Variants in TNR observed in about 807,000 individuals in gnomAD.
TNR encodes the protein tenascin-R.
Under a neutral mutation model 150.4 loss-of-function variants are expected in TNR, and 45 were observed. The ratio of observed to expected loss-of-function variants is 0.30; its 90% confidence interval spans 0.24 to 0.38. The LOEUF is 0.38. TNR is among the 10% of genes least tolerant of loss of function. The probability of loss-of-function intolerance (pLI) is 1.00; values close to 1 mark genes in which losing one functional copy is unlikely to be tolerated. For synonymous variants in TNR, 687 were observed against 678.4 expected (o/e 1.01, Z -0.20); for missense variants, 1,544 against 1,759.1 (o/e 0.88, Z 2.19).
At chr1:175,737,054 TAAC>T (rs751192154) in intron 1 of TNR, among the ~76,000 whole-genome samples, 4 of 151,822 alleles carry the variant, frequency 2.6e-5, no homozygotes, top group Admixed American at 1.3e-4. Flanking sequence ...AAAACAAAAA[TAAC>T]AACAACAACA....
intron 3 of TNR, among the ~76,000 whole-genome samples, chr1:175,403,828 T>A (rs1411723883): frequency 6.6e-6 from 1 of 152,344 alleles, no homozygotes; most frequent in East Asian, 1.9e-4. Context: ...GGGGCAAAGA[T>A]GAATGAGATC....
intron 9 of TNR, among the ~76,000 whole-genome samples, chr1:175,375,601 C>G (rs1482092417): frequency 6.6e-6 from 1 of 151,948 alleles, no homozygotes; most frequent in Admixed American, 6.6e-5. Flanking sequence ...TCTCAGAGAC[C>G]AGGAGAGTCA....
Position 175,354,373 on chromosome 1 carries a change from G to A in TNR, c.3382+18C>T, listed in dbSNP as rs1436052474. 6.2e-7 allele frequency: 1 copy of A among 1,612,198 alleles called. No individual in the cohort carries two copies. The highest frequency in any genetic ancestry group is 1.7e-5 in the Admixed American group (1 of 59,862). ...AGGAAGTGGAGAAGAAGGCATCAAA[G>A]TGGCCATGCTCCCTCACCTGTGGTG... On this transcript the variant is annotated intron_variant, in intron 18 of 22. Transcript: ENST00000367674.
Position 175,743,301 on chromosome 1 carries a change from C to T in TNR, c.-240G>A, listed in dbSNP as rs374512651. 3.3e-5 allele frequency: 5 copies of T among 152,346 alleles called. No homozygotes were observed. The South Asian group carries it at 6.2e-4, about 19-fold the overall frequency. 9.4% of individuals were successfully genotyped at this position (152,346 alleles called of 1,614,324 possible). On this transcript the variant is annotated 5_prime_UTR_variant, in exon 1 of 23. Coordinates refer to ENST00000367674, the MANE Select transcript of TNR (RefSeq NM_003285.3). The stretch of plus-strand genomic sequence containing the variant: ...AATTCTTGCTTGCTCAGGCTGGAGC[C>T]AGCTGATGCGCTCACCTAGAGAGCC...
At chr1:175,562,601 T>C (rs117087151) in intron 1 of TNR, among the ~76,000 whole-genome samples, 1 of 152,244 alleles carries the variant, frequency 6.6e-6, no homozygotes, top group Non-Finnish European at 1.5e-5. Flanking sequence ...CAAGGAATTC[T>C]TGCAGAAATG....
Position 175,488,792 on chromosome 1 carries a change from A to G in TNR, c.-64+39477T>C, listed in dbSNP as rs140379614. On this transcript the variant is annotated intron_variant, in intron 2 of 22. Coordinates refer to ENST00000367674, the MANE Select transcript of TNR (RefSeq NM_003285.3). ...CTCATATATCAAGTGAAAAACAGGG[A>G]ATAAGAAGGGAGTATTTTTGCCAGG... 6.6e-5 allele frequency among the ~76,000 whole-genome samples: 10 copies of G among 152,288 alleles called. No individual in the cohort carries two copies. In the East Asian group the frequency reaches 1.9e-3, roughly 29 times the overall value.
intron 2 of TNR, among the ~76,000 whole-genome samples, chr1:175,475,338 G>A (rs1033493940): frequency 6.6e-6 from 1 of 152,192 alleles, no homozygotes; most frequent in Non-Finnish European, 1.5e-5. Context: ...TATCATCAAA[G>A]GGCTTGGGGA....
chr1:175,587,706 TTTTAA>T (rs1394332495), intron 1 of TNR, among the ~76,000 whole-genome samples: 1 of 152,154 alleles, frequency 6.6e-6, no homozygotes, highest in Non-Finnish European at 1.5e-5. Flanking sequence ...CCCCAATAAT[TTTTAA>T]TTTAATAGTT....
chr1:175,463,490 TG>T (rs2102108030), intron 2 of TNR, among the ~76,000 whole-genome samples: 1 of 152,380 alleles, frequency 6.6e-6, no homozygotes, highest in African/African-American at 2.4e-5. Context: ...CTCATTATGT[TG>T]ACTTTCATTC....
rs147430983 is a variant in TNR at position 175,543,457 on chromosome 1, G to C, written c.-164-15088C>G. On this transcript the variant is annotated intron_variant, in intron 1 of 22. Coordinates refer to ENST00000367674, the MANE Select transcript of TNR (RefSeq NM_003285.3). The stretch of plus-strand genomic sequence containing the variant: ...TCCTCCAGCATAGGAAGGGGACCTA[G>C]AGCCAGAGAGCAGCCAGAGCCAGAG... Among the ~76,000 whole-genome samples, 1,332 of 152,220 alleles carry C rather than the reference G, an allele frequency of 8.8e-3. 19 individuals are homozygous for C. Among genetic ancestry groups the C allele is most frequent in the African/African-American group, 0.029 (1,209 of 41,542 alleles).
intron 2 of TNR, among the ~76,000 whole-genome samples, chr1:175,456,779 C>A (rs1474490601): frequency 6.6e-6 from 1 of 152,114 alleles, no homozygotes; most frequent in African/African-American, 2.4e-5. Flanking sequence ...GAAATCAGTT[C>A]TAAAATTCTA....
intron 18 of TNR, among the ~76,000 whole-genome samples, chr1:175,350,398 C>T (rs1650999704): frequency 6.6e-6 from 1 of 152,210 alleles, no homozygotes; most frequent in Admixed American, 6.5e-5. Context: ...AATGAAACTG[C>T]CTCTCAGACA....
intron 1 of TNR, among the ~76,000 whole-genome samples, chr1:175,658,906 C>T (rs1348435691): frequency 6.6e-6 from 1 of 152,210 alleles, no homozygotes; most frequent in African/African-American, 2.4e-5. Flanking sequence ...AGCTGCTGTG[C>T]TTTCACATCG....
chr1:175,685,056 T>A (rs1666147859), intron 1 of TNR, among the ~76,000 whole-genome samples: 1 of 152,204 alleles, frequency 6.6e-6, no homozygotes, highest in Admixed American at 6.5e-5. Context: ...ATATTAGATC[T>A]GACTCTTCAT....
intron 21 of TNR, among the ~76,000 whole-genome samples, chr1:175,325,199 C>A (rs937514416): frequency 8.5e-5 from 13 of 152,096 alleles, no homozygotes; most frequent in African/African-American, 3.1e-4. Flanking sequence ...TAAATAAATT[C>A]TGTGGGGAAG....
At chr1:175,606,910 T>C (rs1237948143) in intron 1 of TNR, among the ~76,000 whole-genome samples, 2 of 152,170 alleles carry the variant, frequency 1.3e-5, no homozygotes, top group African/African-American at 4.8e-5. Context: ...CCCTGCAGGA[T>C]CAAGCTGAGA....
At chr1:175,449,407 T>G (rs540458155) in intron 2 of TNR, among the ~76,000 whole-genome samples, 12 of 152,288 alleles carry the variant, frequency 7.9e-5, no homozygotes, top group African/African-American at 2.9e-4. Context: ...TCCCACAGGA[T>G]GTCTTAAGGG....
chr1:175,460,674 A>T (rs747053787), intron 2 of TNR, among the ~76,000 whole-genome samples: 38 of 152,314 alleles, frequency 2.5e-4, no homozygotes, highest in Admixed American at 8.5e-4. Flanking sequence ...AGATGAGCAA[A>T]CTGGGCTTCT....
chr1:175,392,173 TTATC>T (rs1286767854), intron 6 of TNR, among the ~76,000 whole-genome samples: 4 of 129,032 alleles, frequency 3.1e-5, no homozygotes, highest in African/African-American at 1.1e-4. Context: ...CTAGGATTTA[TTATC>T]TATCTTTCTA....
Sources: gnomAD v4.1 joint callset for allele counts (sites outside exome capture counted in the v4.1 genomes callset) on GRCh38, gnomAD v4.1.1 for gene constraint, MANE v1.5 for transcripts, NCBI Gene and HGNC (gene_info 2026-07-23, HGNC 2026-07-21) for gene names.